The following TTC34 variants were observed in gnomAD, a reference collection of about 807,000 sequenced individuals.
TTC34 encodes tetratricopeptide repeat protein 34.
Under a neutral mutation model 40.7 loss-of-function variants are expected in TTC34, and 44 were observed. The ratio of observed to expected loss-of-function variants is 1.08; its 90% confidence interval spans 0.85 to 1.39. TTC34 has a LOEUF of 1.39. TTC34 is among the 40% of genes most tolerant of loss of function. The probability of loss-of-function intolerance (pLI) is 0.00; values close to 1 mark genes in which losing one functional copy is unlikely to be tolerated. For missense variants in TTC34, 884 were observed against 838.0 expected (o/e 1.05, Z -0.68); for synonymous variants, 422 against 398.6 (o/e 1.06, Z -0.70).
chr1:2,768,035 C>G (rs1641837742), intron 6 of TTC34, among the ~76,000 whole-genome samples: 1 of 151,294 alleles, frequency 6.6e-6, no homozygotes. Flanking sequence ...CATAAAACAG[C>G]ACCCCACAAC....
chr1:2,655,101 T>G, intron 6 of TTC34, among the ~76,000 whole-genome samples: 1 of 145,148 alleles, frequency 6.9e-6, no homozygotes, highest in African/African-American at 2.7e-5. Context: ...CACCCCCAGG[T>G]GAGCATCCAA....
At chr1:2,677,947 C>G (rs1246330467) in intron 6 of TTC34, among the ~76,000 whole-genome samples, 1 of 41,960 alleles carries the variant, frequency 2.4e-5, no homozygotes, top group African/African-American at 1.6e-4. Flanking sequence ...AGGTGAGCAT[C>G]CGACAGCCTG....
At position 2,787,709 on chromosome 1, in the gene TTC34, G is replaced by A; in HGVS notation, c.1629-3C>T. ...GCTGGTGCACGCCGCAGGCGACCCT[G>A]TGTGGAGATCAGCTCAGGGGGGCAT... On this transcript the variant is annotated splice_polypyrimidine_tract_variant and splice_region_variant and intron_variant, in intron 3 of 8. Coordinates refer to ENST00000401095, the Ensembl canonical transcript of TTC34. 1 of 1,536,862 alleles carries A rather than the reference G, an allele frequency of 6.5e-7. No homozygotes were observed. Among genetic ancestry groups the A allele is most frequent in the Non-Finnish European group, 8.8e-7 (1 of 1,137,324 alleles).
At chr1:2,801,244 C>A (rs961421909) in intron 1 of TTC34, among the ~76,000 whole-genome samples, 1 of 152,014 alleles carries the variant, frequency 6.6e-6, no homozygotes, top group Admixed American at 6.5e-5. Flanking sequence ...CCCCTCCCAA[C>A]CCTGAGCCCC....
chr1:2,753,446 G>A (rs1641394444), intron 6 of TTC34, among the ~76,000 whole-genome samples: 1 of 119,208 alleles, frequency 8.4e-6, no homozygotes, highest in Non-Finnish European at 1.7e-5. Context: ...GCCTGGAACA[G>A]CAGCCTGCAC....
At chr1:2,642,508 C>T (rs1638928102) in intron 8 of TTC34, among the ~76,000 whole-genome samples, 1 of 152,228 alleles carries the variant, frequency 6.6e-6, no homozygotes, top group Non-Finnish European at 1.5e-5. Context: ...CTGCCTGCCC[C>T]CCCCACTCCT....
chr1:2,692,331 G>T lies in TTC34; in HGVS notation c.2227-46768C>A, dbSNP rs367787833. Among the ~76,000 whole-genome samples, 9 of 58,650 alleles carry T rather than the reference G, an allele frequency of 1.5e-4. 3 individuals carry two copies. The East Asian group carries it at 4.0e-3, about 26-fold the overall frequency. The allele number at this position is 58,650 out of a possible 152,430, so 38.5% of individuals were successfully genotyped here. The stretch of plus-strand genomic sequence containing the variant: ...CCCAGTGAGCATCTGACAGCCTGGA[G>T]CAGCGCCCACACACCGAGGTGAGCA... On this transcript the variant is annotated intron_variant, in intron 6 of 8. Transcript: ENST00000401095.
rs1489409599 is a variant in TTC34, at chr1:2,656,267, C to G, written c.2227-10704G>C. Among the ~76,000 whole-genome samples the G allele has an allele frequency of 1.8e-3, 271 of 151,514 alleles. 1 individual carries two copies. Among genetic ancestry groups the G allele is most frequent in the African/African-American group, 6.3e-3 (258 of 40,850 alleles). On this transcript the variant is annotated intron_variant, in intron 6 of 8. Transcript: ENST00000401095. ...AACAGCACACACACACCCAGGTGAGCATCTGAAAGCCTGGAAGAGCACCCA... is the reference window on the plus strand; with the variant it reads ...AACAGCACACACACACCCAGGTGAGGATCTGAAAGCCTGGAAGAGCACCCA...
chr1:2,642,007 G>A (rs1638917898), intron 8 of TTC34, 112 bp from the exon 9 acceptor site: 1 of 1,221,120 alleles, frequency 8.2e-7, no homozygotes, highest in African/African-American at 1.5e-5. Context: ...GCTCCCTGGG[G>A]ATGGCGGGGC....
intron 6 of TTC34, among the ~76,000 whole-genome samples, chr1:2,768,359 G>A (rs1188720344): frequency 1.7e-4 from 26 of 151,942 alleles, no homozygotes; most frequent in Admixed American, 9.8e-4. Context: ...CTGGGGACGC[G>A]TGGAAAACCA....
At chr1:2,641,840 A>G (rs1274243673) in exon 9 of TTC34, 5 of 1,524,920 alleles carry the variant, frequency 3.3e-6, no homozygotes, top group Middle Eastern at 1.7e-4. Context: ...ACAGTAGCCC[A>G]GCGCCTGCCT....
intron 6 of TTC34, among the ~76,000 whole-genome samples, chr1:2,749,685 A>AAC (rs1641254652): frequency 3.2e-5 from 1 of 31,254 alleles, no homozygotes; most frequent in Non-Finnish European, 5.9e-5. Flanking sequence ...CAACCTGCAC[A>AAC]CCCAGGTGAG....
intron 6 of TTC34, among the ~76,000 whole-genome samples, chr1:2,758,196 C>A (rs1641569633): frequency 6.8e-6 from 1 of 148,042 alleles, no homozygotes; most frequent in East Asian, 2.0e-4. Flanking sequence ...ACCCTGCACC[C>A]CCAGGTGAGC....
intron 6 of TTC34, among the ~76,000 whole-genome samples, chr1:2,750,975 G>T (rs1478359791): frequency 9.3e-6 from 1 of 107,242 alleles, no homozygotes; most frequent in East Asian, 3.5e-4. Flanking sequence ...ACCCCCAGGT[G>T]CGCATGTGAT....
At chr1:2,764,384 C>A (rs1641732726) in intron 6 of TTC34, among the ~76,000 whole-genome samples, 2 of 147,066 alleles carry the variant, frequency 1.4e-5, no homozygotes, top group Non-Finnish European at 3.0e-5. Context: ...GCCCACACCC[C>A]CGGGCGAGCA....
intron 6 of TTC34, among the ~76,000 whole-genome samples, chr1:2,755,805 T>TCAAC: frequency 3.6e-5 from 1 of 27,906 alleles, no homozygotes; most frequent in Admixed American, 3.2e-4. Flanking sequence ...CATCTGATGG[T>TCAAC]CTGGAGCAGC....
intron 6 of TTC34, among the ~76,000 whole-genome samples, chr1:2,685,948 CAGCACCCACACCCACAGGCG>C (rs1640319636): frequency 1.7e-5 from 2 of 114,312 alleles, no homozygotes; most frequent in African/African-American, 7.7e-5. Context: ...CAGCCGGGAA[CAGCACCCACACCCACAGGCG>C]AGCATCTGAC....
intron 6 of TTC34, among the ~76,000 whole-genome samples, chr1:2,749,974 A>C (rs1641262838): frequency 8.4e-5 from 5 of 59,508 alleles, no homozygotes; most frequent in African/African-American, 5.0e-4. Flanking sequence ...CCGCCAGGTG[A>C]GCATTGGACA....
chr1:2,786,287 GC>G (rs1323114984), intron 4 of TTC34, among the ~76,000 whole-genome samples: 1 of 152,214 alleles, frequency 6.6e-6, no homozygotes, highest in African/African-American at 2.4e-5. Flanking sequence ...GCCTCCACCA[GC>G]CCCTGGCTGT....
Sources: gnomAD v4.1 joint callset for allele counts (sites outside exome capture counted in the v4.1 genomes callset) on GRCh38, gnomAD v4.1.1 for gene constraint, MANE v1.5 for transcripts, NCBI Gene and HGNC (gene_info 2026-07-23, HGNC 2026-07-21) for gene names.